Variants in GSE1 observed in about 807,000 individuals in gnomAD.
The protein encoded by GSE1 is genetic suppressor element 1.
Under a neutral mutation model 112.6 loss-of-function variants are expected in GSE1, and 32 were observed. The ratio of observed to expected loss-of-function variants is 0.28; its 90% confidence interval spans 0.21 to 0.38. GSE1 has a LOEUF of 0.38. Ranked by LOEUF, GSE1 falls within the 10% of genes least tolerant of loss-of-function variation. GSE1 has a pLI of 1.00. For synonymous variants in GSE1, 1,115 were observed against 735.6 expected, an observed-to-expected ratio of 1.52 and a Z score of -8.35; for missense variants, 2,348 against 1,699.2, an observed-to-expected ratio of 1.38 and a Z score of -6.71.
rs79771788 is a variant in GSE1, at chr16:85,439,002, A to G, written c.2464+81359A>G. Among the ~76,000 whole-genome samples the G allele has an allele frequency of 6.0e-4, 92 of 152,112 alleles. No homozygotes were observed. In the East Asian group the frequency reaches 0.016, roughly 27 times the overall value. The stretch of plus-strand genomic sequence containing the variant: ...GCCCCAGGCCCTGTGATCAGAGTCA[A>G]CCTCCCCACACGGTGAGGCAAAGCC... On this transcript the variant is annotated intron_variant, in intron 2 of 2. Coordinates refer to the GSE1 transcript ENST00000637419.
intron 1 of GSE1, among the ~76,000 whole-genome samples, chr16:85,180,665 C>G (rs1375575531): frequency 6.6e-6 from 1 of 152,182 alleles, no homozygotes; most frequent in African/African-American, 2.4e-5. Context: ...CCCAAAGTCA[C>G]ACAGTGGGGA....
intron 2 of GSE1, among the ~76,000 whole-genome samples, chr16:85,524,296 CAG>C (rs1472542812): frequency 1.3e-5 from 2 of 152,004 alleles, no homozygotes; most frequent in African/African-American, 2.4e-5. Context: ...CAGGGCACCT[CAG>C]ATGCCATCCC....
chr16:85,672,351 C>T (rs751540407), intron 15 of GSE1, 54 bp from the exon 16 acceptor site: 24 of 1,424,452 alleles, frequency 1.7e-5, no homozygotes, highest in African/African-American at 4.2e-5. Flanking sequence ...ACTCTACATG[C>T]TTGTCCTTAC....
intron 1 of GSE1, among the ~76,000 whole-genome samples, chr16:85,614,176 T>TC (rs1386938490): frequency 6.6e-6 from 1 of 151,012 alleles, no homozygotes; most frequent in Admixed American, 6.6e-5. Flanking sequence ...CTGGCCTTTT[T>TC]CCCTCCCCGG....
chr16:85,655,079 C>T (rs1169871505), intron 5 of GSE1, 88 bp downstream of exon 5: 6 of 872,174 alleles, frequency 6.9e-6, no homozygotes, highest in African/African-American at 1.7e-5. Flanking sequence ...TTCTTATGAC[C>T]TGAGAGCCAG....
At chr16:85,552,902 A>T (rs1489582894), upstream of GSE1, among the ~76,000 whole-genome samples, 8 of 152,234 alleles carry the variant, frequency 5.3e-5, no homozygotes, top group Admixed American at 5.2e-4. Context: ...TTGCAAATTA[A>T]TTTTTATGGC....
At chr16:85,402,849 G>A (rs564767581) in intron 2 of GSE1, among the ~76,000 whole-genome samples, 24 of 152,054 alleles carry the variant, frequency 1.6e-4, no homozygotes, top group African/African-American at 5.8e-4. Flanking sequence ...AGGGGAGATG[G>A]GGCCTGCAGT....
intron 1 of GSE1, among the ~76,000 whole-genome samples, chr16:85,209,400 T>G (rs1302462741): frequency 6.6e-6 from 1 of 152,100 alleles, no homozygotes; most frequent in Non-Finnish European, 1.5e-5. Flanking sequence ...CCCCCGCCCC[T>G]GCTCTGATCA....
chr16:85,452,327 C>T lies in GSE1; in HGVS notation c.2464+94684C>T, dbSNP rs1262543047. ...TGAGCTGGGACGTGCCAGTGGGCCCCGGTAATTAACAGCGGGTGCTGAGCC... is the reference window on the plus strand; with the variant it reads ...TGAGCTGGGACGTGCCAGTGGGCCCTGGTAATTAACAGCGGGTGCTGAGCC... On this transcript the variant is annotated intron_variant, in intron 2 of 2. Coordinates refer to the GSE1 transcript ENST00000637419. 4.6e-5 allele frequency among the ~76,000 whole-genome samples: 7 copies of T among 152,234 alleles called. No individual in the cohort carries two copies. In the East Asian group the frequency reaches 9.7e-4, roughly 21 times the overall value.
intron 1 of GSE1, among the ~76,000 whole-genome samples, chr16:85,313,439 C>T (rs1357857958): frequency 6.6e-6 from 1 of 152,186 alleles, no homozygotes; most frequent in African/African-American, 2.4e-5. Context: ...AGGGCCAGGC[C>T]ATCTCGGCCT....
At chr16:85,572,500 TACC>T (rs906355516) in intron 1 of GSE1, among the ~76,000 whole-genome samples, 2 of 140,478 alleles carry the variant, frequency 1.4e-5, no homozygotes, top group African/African-American at 5.4e-5. Context: ...CACAACCACA[TACC>T]ACACACACCA....
At chr16:85,384,894 A>G (rs1597559361) in intron 2 of GSE1, among the ~76,000 whole-genome samples, 1 of 152,346 alleles carries the variant, frequency 6.6e-6, no homozygotes, top group Non-Finnish European at 1.5e-5. Context: ...GGGGGCCCTC[A>G]GGCAAGCAGC....
At chr16:85,312,741 CGAG>C (rs1439893575) in intron 1 of GSE1, among the ~76,000 whole-genome samples, 3 of 148,128 alleles carry the variant, frequency 2.0e-5, no homozygotes, top group Non-Finnish European at 4.5e-5. Flanking sequence ...AGGAGGCGGA[CGAG>C]GAGGAGAAGG....
chr16:85,670,875 C>T (rs142879955), intron 14 of GSE1, 120 bp from the exon 15 acceptor site: 100 of 663,158 alleles, frequency 1.5e-4, no homozygotes, highest in African/African-American at 1.5e-3. Context: ...GAGAGGCCTT[C>T]GCTGGCTGCA....
At chr16:85,417,053 A>T (rs937455336) in intron 2 of GSE1, among the ~76,000 whole-genome samples, 1 of 152,088 alleles carries the variant, frequency 6.6e-6, no homozygotes, top group African/African-American at 2.4e-5. Context: ...AGCAGGTCTC[A>T]CCATGTTGCC....
chr16:85,607,367 C>A (rs2047751655), upstream of GSE1, among the ~76,000 whole-genome samples: 1 of 152,222 alleles, frequency 6.6e-6, no homozygotes, highest in African/African-American at 2.4e-5. Flanking sequence ...CCTCTCCCGC[C>A]CGCTTTCCAG....
At chr16:85,215,599 T>C (rs2075295048) in intron 1 of GSE1, among the ~76,000 whole-genome samples, 1 of 152,224 alleles carries the variant, frequency 6.6e-6, no homozygotes, top group East Asian at 1.9e-4. Flanking sequence ...AGAGCTGTGG[T>C]GGCAGTCCCA....
chr16:85,471,611 G>A (rs1033311763), intron 2 of GSE1, among the ~76,000 whole-genome samples: 15 of 152,050 alleles, frequency 9.9e-5, no homozygotes, highest in Non-Finnish European at 1.5e-4. Flanking sequence ...ACAGGGTCTC[G>A]CTATGTTGCC....
chr16:85,420,957 G>A (rs11642660), intron 2 of GSE1, among the ~76,000 whole-genome samples: 44 of 152,176 alleles, frequency 2.9e-4, no homozygotes, highest in African/African-American at 9.6e-4. Context: ...CTGCAGTCGG[G>A]CTGCAGCGTC....
Sources: gnomAD v4.1 joint callset for allele counts (sites outside exome capture counted in the v4.1 genomes callset) on GRCh38, gnomAD v4.1.1 for gene constraint, MANE v1.5 for transcripts, NCBI Gene and HGNC (gene_info 2026-07-23, HGNC 2026-07-21) for gene names.